CCNY: variants seen among roughly 807,000 people sequenced by gnomAD.
CCNY encodes cyclin-Y.
CCNY carries 19 observed loss-of-function variants against 42.8 expected under a neutral mutation model. That is an observed-to-expected ratio of 0.44 (90% CI 0.31 to 0.65). The LOEUF is 0.65. CCNY is among the 30% of genes least tolerant of loss of function. The pLI is 0.07. For synonymous variants in CCNY, 165 were observed against 162.7 expected (o/e 1.01, Z -0.11); for missense variants, 370 against 437.3 (o/e 0.85, Z 1.37).
chr10:35,339,045 A>G lies in CCNY; in HGVS notation c.154+1838A>G, dbSNP rs551317569. Among the ~76,000 whole-genome samples, 9 of 152,356 alleles carry G rather than the reference A, an allele frequency of 5.9e-5. No homozygotes were observed. In the South Asian group the frequency reaches 1.9e-3, roughly 32 times the overall value. ...GAAGACTCTTTTGCAGATTCAGGAT[A>G]GTTTGAGAGAGTATAGGGCAGGTTT... On this transcript the variant is annotated intron_variant, in intron 1 of 9. Coordinates refer to ENST00000374704, the MANE Select transcript of CCNY (RefSeq NM_145012.6).
Position 35,569,584 on chromosome 10 carries a change from C to A in CCNY, c.*414C>A, listed in dbSNP as rs1415115242. ...GGCTGGGCCAGTGTGTCCTGTAAGACTTCTTGCATTCCTTCTGCTGCTTTT... is the reference window on the plus strand; with the variant it reads ...GGCTGGGCCAGTGTGTCCTGTAAGAATTCTTGCATTCCTTCTGCTGCTTTT... On this transcript the variant is annotated 3_prime_UTR_variant, in exon 10 of 10. Coordinates refer to ENST00000374704, the MANE Select transcript of CCNY (RefSeq NM_145012.6). The A allele has an allele frequency of 5.3e-6, 1 of 189,324 alleles. No homozygotes were observed. Among genetic ancestry groups the A allele is most frequent in the Admixed American group, 5.4e-5 (1 of 18,526 alleles). The allele number at this position is 189,324 out of a possible 1,614,324, so 11.7% of individuals were successfully genotyped here.
intron 1 of CCNY, among the ~76,000 whole-genome samples, chr10:35,389,908 G>A (rs1250006725): frequency 1.3e-5 from 2 of 152,202 alleles, no homozygotes; most frequent in Non-Finnish European, 2.9e-5. Flanking sequence ...TATTGGTCAT[G>A]AGCATAGAAC....
chr10:35,554,720 C>G (rs1367584229), intron 8 of CCNY, among the ~76,000 whole-genome samples: 1 of 152,170 alleles, frequency 6.6e-6, no homozygotes, highest in Non-Finnish European at 1.5e-5. Flanking sequence ...CCGACCATGA[C>G]TAGGTGTGTC....
Position 35,569,171 on chromosome 10 carries a change from C to A in CCNY, c.*1C>A, listed in dbSNP as rs142148569. The A allele has an allele frequency of 8.4e-4, 1,319 of 1,567,096 alleles. 1 individual carries two copies. The highest frequency in any genetic ancestry group is 1.0e-3 in the Non-Finnish European group (1,180 of 1,139,836). ...GTGGTCCCCAGCCATCATCTCTTAA[C>A]TACGGAGGCCCGCCGGAGGCCACAC... On this transcript the variant is annotated 3_prime_UTR_variant, in exon 10 of 10. Coordinates refer to ENST00000374704, the MANE Select transcript of CCNY (RefSeq NM_145012.6).
chr10:35,503,662 G>T (rs941265700), intron 3 of CCNY, among the ~76,000 whole-genome samples: 1 of 152,224 alleles, frequency 6.6e-6, no homozygotes, highest in Non-Finnish European at 1.5e-5. Context: ...GCCAGGCTCT[G>T]CTGTAATTGG....
chr10:35,329,906 T>C (rs776456226), intron 3 of CCNY, among the ~76,000 whole-genome samples: 3 of 152,224 alleles, frequency 2.0e-5, no homozygotes, highest in Non-Finnish European at 4.4e-5. Flanking sequence ...GTAGGGTCTA[T>C]TGAGCTGCTC....
At chr10:35,565,941 TG>T in intron 8 of CCNY, 81 bp from the exon 9 acceptor site, 2 of 1,373,504 alleles carry the variant, frequency 1.5e-6, no homozygotes, top group Non-Finnish European at 2.0e-6. Flanking sequence ...TTCTGGAGTC[TG>T]GTCTCCAGCA....
intron 1 of CCNY, among the ~76,000 whole-genome samples, chr10:35,389,877 T>A (rs1837377240): frequency 6.6e-6 from 1 of 152,234 alleles, no homozygotes. Context: ...TGTTGCCTTC[T>A]CTCATAAAGG....
chr10:35,250,668 G>A (rs2095711410), intron 3 of CCNY: 1 of 152,342 alleles, frequency 6.6e-6, no homozygotes, highest in Non-Finnish European at 1.5e-5. Flanking sequence ...GCCTAATAGA[G>A]CCTCTTCCTG....
chr10:35,514,201 A>G (rs893679201), intron 3 of CCNY, among the ~76,000 whole-genome samples: 1 of 152,068 alleles, frequency 6.6e-6, no homozygotes, highest in Non-Finnish European at 1.5e-5. Context: ...ACATTCTATG[A>G]GTCTTGTAGT....
At chr10:35,450,617 A>G (rs1364969488) in intron 1 of CCNY, among the ~76,000 whole-genome samples, 2 of 151,924 alleles carry the variant, frequency 1.3e-5, no homozygotes, top group Admixed American at 6.5e-5. Flanking sequence ...GCGGGTTCCC[A>G]TCATTGTGGA....
At chr10:35,451,725 G>A (rs565336654) in intron 1 of CCNY, among the ~76,000 whole-genome samples, 52 of 152,180 alleles carry the variant, frequency 3.4e-4, no homozygotes, top group Non-Finnish European at 6.8e-4. Context: ...CACGGGGCTG[G>A]GCCTGTTAAC....
chr10:35,531,379 G>T (rs772152074), intron 7 of CCNY, among the ~76,000 whole-genome samples: 1 of 152,186 alleles, frequency 6.6e-6, no homozygotes, highest in Non-Finnish European at 1.5e-5. Flanking sequence ...CTGTTGGCTT[G>T]TTGCTCATTC....
chr10:35,531,320 C>T (rs1469690728), intron 7 of CCNY, among the ~76,000 whole-genome samples: 4 of 152,220 alleles, frequency 2.6e-5, no homozygotes, highest in African/African-American at 9.6e-5. Flanking sequence ...CTCTTTGTGT[C>T]TCCGCCACAT....
At chr10:35,529,923 T>G in intron 5 of CCNY, 50 bp from the exon 6 acceptor site, 1 of 1,490,572 alleles carries the variant, frequency 6.7e-7, no homozygotes, top group Non-Finnish European at 9.3e-7. Flanking sequence ...TTTATTTGAA[T>G]GACATTCTTG....
chr10:35,479,930 G>A (rs1213247832), intron 1 of CCNY, among the ~76,000 whole-genome samples: 2 of 151,650 alleles, frequency 1.3e-5, no homozygotes, highest in African/African-American at 4.8e-5. Flanking sequence ...CTTGGCTTCA[G>A]TGTGAAGTTA....
intron 1 of CCNY, among the ~76,000 whole-genome samples, chr10:35,391,305 C>T (rs182020480): frequency 4.1e-4 from 62 of 152,184 alleles, no homozygotes; most frequent in African/African-American, 1.3e-3. Flanking sequence ...TTAAAGAGGT[C>T]ATGGGTATGA....
At chr10:35,540,707 T>C (rs1221848961) in intron 7 of CCNY, among the ~76,000 whole-genome samples, 1 of 152,244 alleles carries the variant, frequency 6.6e-6, no homozygotes, top group East Asian at 1.9e-4. Context: ...TTGTTTCTTA[T>C]AGGTCTATTC....
chr10:35,264,375 C>A (rs1013511080), intron 3 of CCNY, among the ~76,000 whole-genome samples: 3 of 152,120 alleles, frequency 2.0e-5, no homozygotes, highest in Non-Finnish European at 4.4e-5. Flanking sequence ...GCCTCTAGGT[C>A]TTTGAGAATC....
Sources: gnomAD v4.1 joint callset for allele counts (sites outside exome capture counted in the v4.1 genomes callset) on GRCh38, gnomAD v4.1.1 for gene constraint, MANE v1.5 for transcripts, NCBI Gene and HGNC (gene_info 2026-07-23, HGNC 2026-07-21) for gene names.